Variants in CGGBP1 observed in about 807,000 individuals in gnomAD.
The protein encoded by CGGBP1 is CGG triplet repeat binding protein 1.
In CGGBP1, 4 loss-of-function variants were observed where a neutral mutation model predicts 11.4. The ratio of observed to expected loss-of-function variants is 0.35; its 90% CI spans 0.17 to 0.80. The LOEUF is 0.80. Among genes scored for constraint, CGGBP1 ranks in the 30% least tolerant of loss-of-function variants. The pLI, the probability that CGGBP1 is intolerant of heterozygous loss-of-function variation, is 0.52. For synonymous variants in CGGBP1, 76 were observed against 74.1 expected (o/e 1.03, Z -0.13); for missense variants, 135 against 202.1 (o/e 0.67, Z 2.01).
rs1708444135 is a variant in CGGBP1, at chr3:88,088,365, A to T, written c.-228-30142T>A. Among the ~76,000 whole-genome samples the T allele has an allele frequency of 2.0e-5, 3 of 152,356 alleles. No homozygotes were observed. The East Asian group carries it at 5.8e-4, about 29-fold the overall frequency. On this transcript the variant is annotated intron_variant, in intron 2 of 3. Transcript: ENST00000462901. Reference sequence around the variant, plus strand: ...AAAAAGTGAAAAATAATTTTGAAAGAAAGTGTTAATGTTGAAAATAAAAAT... The same window carrying T: ...AAAAAGTGAAAAATAATTTTGAAAGTAAGTGTTAATGTTGAAAATAAAAAT...
chr3:88,053,915 A>G lies in CGGBP1; in HGVS notation c.*1558T>C, dbSNP rs1706484679. 6.6e-6 allele frequency: 1 copy of G among 152,478 alleles called. No homozygotes were observed. The highest frequency in any genetic ancestry group is 2.4e-5 in the African/African-American group (1 of 41,456). 9.4% of individuals were successfully genotyped at this position (152,478 alleles called of 1,614,324 possible). On this transcript the variant is annotated 3_prime_UTR_variant, in exon 4 of 4. Transcript: ENST00000482016. ...AAAACAGTTCACATTTTGATAAGTG[A>G]TTTATTTTGGCGGCAGGCTTATTTT...
chr3:88,138,945 A>C, intron 2 of CGGBP1: 1 of 1,243,096 alleles, frequency 8.0e-7, no homozygotes, highest in Non-Finnish European at 1.0e-6. Context: ...TAATGAAGGC[A>C]CAAGTAGTGT....
intron 2 of CGGBP1, among the ~76,000 whole-genome samples, chr3:88,071,866 CT>C (rs1337084021): frequency 6.6e-6 from 1 of 152,162 alleles, no homozygotes. Context: ...TTGTACTGTA[CT>C]TTTAAGACTT....
upstream of CGGBP1, among the ~76,000 whole-genome samples, chr3:88,063,321 T>C (rs964607249): frequency 3.3e-5 from 5 of 152,202 alleles, no homozygotes; most frequent in Admixed American, 6.5e-5. Flanking sequence ...CCGATATAAA[T>C]GGCAGTAAAG....
intron 2 of CGGBP1, chr3:88,128,730 T>C: frequency 2.1e-6 from 2 of 942,392 alleles, no homozygotes; most frequent in South Asian, 3.5e-5. Flanking sequence ...AACCATATTT[T>C]AGTGGTAAAG....
At chr3:88,059,943 G>C (rs765852722), upstream of CGGBP1, among the ~76,000 whole-genome samples, 10 of 151,562 alleles carry the variant, frequency 6.6e-5, no homozygotes, top group Non-Finnish European at 1.3e-4. Context: ...CTTTTTTTCC[G>C]GGATGGGAGA....
At chr3:88,083,961 A>G (rs1708216014) in intron 2 of CGGBP1, among the ~76,000 whole-genome samples, 1 of 151,080 alleles carries the variant, frequency 6.6e-6, no homozygotes, top group Admixed American at 6.6e-5. Context: ...ATATATATAT[A>G]TATATAGAAA....
intron 1 of CGGBP1, among the ~76,000 whole-genome samples, chr3:88,146,565 T>A (rs1344595489): frequency 1.3e-5 from 2 of 152,180 alleles, no homozygotes; most frequent in African/African-American, 2.4e-5. Flanking sequence ...GCTAGTTTTA[T>A]CGTTGTGGAG....
chr3:88,146,979 C>T (rs1373300313), intron 1 of CGGBP1, among the ~76,000 whole-genome samples: 1 of 152,200 alleles, frequency 6.6e-6, no homozygotes, highest in Non-Finnish European at 1.5e-5. Context: ...TGCTTCTACC[C>T]TTACCCTCCC....
At chr3:88,098,652 C>T (rs1704211226) in intron 2 of CGGBP1, among the ~76,000 whole-genome samples, 1 of 152,186 alleles carries the variant, frequency 6.6e-6, no homozygotes, top group South Asian at 2.1e-4. Context: ...TGGGCTTCAT[C>T]CCTGGGATGC....
chr3:88,135,259 T>C, intron 2 of CGGBP1: 1 of 1,282,274 alleles, frequency 7.8e-7, no homozygotes, highest in Non-Finnish European at 1.0e-6. Context: ...TCACTGAAAC[T>C]TGAATCTCTT....
chr3:88,069,456 A>G (rs1707385443), intron 2 of CGGBP1, among the ~76,000 whole-genome samples: 1 of 152,032 alleles, frequency 6.6e-6, no homozygotes, highest in South Asian at 2.1e-4. Context: ...CTCTTAGTCC[A>G]CCCCCCAACC....
intron 2 of CGGBP1, among the ~76,000 whole-genome samples, chr3:88,131,533 C>A (rs1360076240): frequency 6.6e-6 from 1 of 152,030 alleles, no homozygotes; most frequent in Non-Finnish European, 1.5e-5. Context: ...ACACACAAAC[C>A]CAGAAAAACA....
chr3:88,062,041 T>C (rs1314478992), upstream of CGGBP1, among the ~76,000 whole-genome samples: 1 of 152,160 alleles, frequency 6.6e-6, no homozygotes, highest in Non-Finnish European at 1.5e-5. Flanking sequence ...TTTTGTGTCT[T>C]TTACCATAAG....
chr3:88,102,723 C>T (rs1159174170), intron 2 of CGGBP1, among the ~76,000 whole-genome samples: 3 of 151,376 alleles, frequency 2.0e-5, no homozygotes, highest in African/African-American at 2.4e-5. Context: ...AACTTCTAAC[C>T]GGTTTTACTC....
intron 1 of CGGBP1, chr3:88,141,636 G>A: frequency 6.7e-7 from 1 of 1,503,476 alleles, no homozygotes; most frequent in Non-Finnish European, 9.0e-7. Context: ...GATGTGTTCT[G>A]TTTTACAGGT....
chr3:88,111,113 A>T (rs1705066387), intron 2 of CGGBP1, among the ~76,000 whole-genome samples: 1 of 152,006 alleles, frequency 6.6e-6, no homozygotes. Flanking sequence ...TAAGTATGGA[A>T]TGTCAAGAGT....
intron 2 of CGGBP1, among the ~76,000 whole-genome samples, chr3:88,117,109 A>G (rs1705461713): frequency 6.6e-6 from 1 of 152,230 alleles, no homozygotes; most frequent in African/African-American, 2.4e-5. Flanking sequence ...GAGGTAAAAT[A>G]TTATATAGAG....
intron 2 of CGGBP1, among the ~76,000 whole-genome samples, chr3:88,084,502 A>G (rs901691953): frequency 2.6e-5 from 4 of 152,196 alleles, no homozygotes; most frequent in African/African-American, 9.7e-5. Flanking sequence ...AGTTAGTAGT[A>G]GTTTTTACTT....
Sources: allele counts gnomAD v4.1 joint callset (sites outside exome capture counted in the v4.1 genomes callset), GRCh38; gene constraint gnomAD v4.1.1; transcripts MANE v1.5; gene names NCBI Gene and HGNC (gene_info 2026-07-23, HGNC 2026-07-21).